ITFG1: variants seen among roughly 807,000 people sequenced by gnomAD.
ITFG1 encodes integrin alpha FG-GAP repeat containing 1.
A neutral mutation model predicts 81.8 loss-of-function variants in ITFG1; 34 were observed. The observed-to-expected ratio is 0.42, with a 90% CI of 0.32 to 0.55. ITFG1 has a LOEUF of 0.55. ITFG1 is among the 20% of genes least tolerant of loss of function. The pLI, the probability that ITFG1 is intolerant of heterozygous loss-of-function variation, is 0.17. For synonymous variants in ITFG1, 285 were observed against 270.6 expected (o/e 1.05, Z -0.52); for missense variants, 672 against 755.4 (o/e 0.89, Z 1.29).
At chr16:47,359,624 C>T (rs1596928129) in intron 8 of ITFG1, among the ~76,000 whole-genome samples, 3 of 152,334 alleles carry the variant, frequency 2.0e-5, no homozygotes, top group Admixed American at 2.0e-4. Flanking sequence ...AAAATCCAAA[C>T]TCCTTGTTAC....
chr16:47,411,087 A>G (rs1326581653), intron 6 of ITFG1, among the ~76,000 whole-genome samples: 1 of 152,180 alleles, frequency 6.6e-6, no homozygotes, highest in African/African-American at 2.4e-5. Flanking sequence ...GGGACAGTGG[A>G]CAAAGCTGCA....
intron 5 of ITFG1, among the ~76,000 whole-genome samples, chr16:47,432,483 A>T (rs903866682): frequency 2.0e-5 from 3 of 152,238 alleles, no homozygotes; most frequent in Non-Finnish European, 2.9e-5. Context: ...TGTGTTCTAC[A>T]AACAGCAACC....
intron 13 of ITFG1, among the ~76,000 whole-genome samples, chr16:47,226,240 C>T (rs1322515949): frequency 3.3e-5 from 5 of 152,312 alleles, no homozygotes; most frequent in African/African-American, 7.2e-5. Flanking sequence ...ACCCGAGTCT[C>T]GTTTTGTCAC....
chr16:47,165,049 TTTG>T (rs1303597834), intron 14 of ITFG1, among the ~76,000 whole-genome samples: 4 of 152,334 alleles, frequency 2.6e-5, no homozygotes, highest in East Asian at 3.9e-4. Flanking sequence ...GGCCAGTATT[TTTG>T]TTGTTGTTCT....
chr16:47,283,918 A>C (rs1966860768), intron 10 of ITFG1, among the ~76,000 whole-genome samples: 2 of 152,246 alleles, frequency 1.3e-5, no homozygotes, highest in Non-Finnish European at 2.9e-5. Context: ...GGCAATAAAA[A>C]GACATGCAGA....
rs118121663 is a variant in ITFG1, at chr16:47,459,446, G to A, written c.209-271C>T. Among the ~76,000 whole-genome samples the A allele has an allele frequency of 1.1e-4, 17 of 152,290 alleles. No individual in the cohort carries two copies. In the East Asian group the frequency reaches 3.1e-3, roughly 28 times the overall value. On this transcript the variant is annotated intron_variant, in intron 1 of 17. Coordinates refer to ENST00000320640, the MANE Select transcript of ITFG1 (RefSeq NM_030790.5). The stretch of plus-strand genomic sequence containing the variant: ...AAACTGAAGCCAGTGGATTCTGCGA[G>A]GAGTCAGATTGGTTGACTTAAAAGA...
At chr16:47,285,582 T>C (rs1966866705) in intron 10 of ITFG1, among the ~76,000 whole-genome samples, 1 of 152,138 alleles carries the variant, frequency 6.6e-6, no homozygotes, top group Non-Finnish European at 1.5e-5. Flanking sequence ...CTTAACCTGT[T>C]GGATCTGACA....
chr16:47,282,672 T>A lies in ITFG1; in HGVS notation c.1071-21977A>T, dbSNP rs1391885884. 2.0e-5 allele frequency among the ~76,000 whole-genome samples: 3 copies of A among 152,184 alleles called. No homozygotes were observed. The East Asian group carries it at 5.8e-4, about 29-fold the overall frequency. On this transcript the variant is annotated intron_variant, in intron 10 of 17. Transcript: ENST00000320640. ...TTAGTTCTTTGAGGAATCTCCATAC[T>A]GTTTTCCACAGAGGTTGTATTAATT... is the stretch of plus-strand genomic sequence containing the variant.
intron 14 of ITFG1, among the ~76,000 whole-genome samples, chr16:47,183,289 A>C (rs1328764406): frequency 6.6e-6 from 1 of 152,226 alleles, no homozygotes; most frequent in African/African-American, 2.4e-5. Context: ...CAGCTCCAGG[A>C]GGCCTGCCTG....
intron 8 of ITFG1, among the ~76,000 whole-genome samples, chr16:47,350,246 AC>A (rs1967930841): frequency 1.3e-5 from 2 of 152,218 alleles, no homozygotes; most frequent in Non-Finnish European, 2.9e-5. Flanking sequence ...AGACAAAAAA[AC>A]CCTTCAAAAC....
intron 10 of ITFG1, among the ~76,000 whole-genome samples, chr16:47,280,594 C>T (rs532138992): frequency 3.3e-5 from 5 of 152,240 alleles, no homozygotes; most frequent in South Asian, 4.2e-4. Flanking sequence ...TTTTGTTACT[C>T]ATAACAGGCC....
intron 14 of ITFG1, among the ~76,000 whole-genome samples, chr16:47,199,848 G>A (rs938725974): frequency 1.3e-5 from 2 of 152,170 alleles, no homozygotes; most frequent in African/African-American, 4.8e-5. Flanking sequence ...TCCCATCTGG[G>A]GGAGACAGTG....
chr16:47,277,155 A>G (rs1966406148), intron 10 of ITFG1, among the ~76,000 whole-genome samples: 1 of 152,260 alleles, frequency 6.6e-6, no homozygotes, highest in African/African-American at 2.4e-5. Flanking sequence ...AATTACATGT[A>G]AAAATGTACT....
At chr16:47,184,483 TAAAGA>T (rs1965182511) in intron 14 of ITFG1, among the ~76,000 whole-genome samples, 1 of 152,036 alleles carries the variant, frequency 6.6e-6, no homozygotes, top group South Asian at 2.1e-4. Flanking sequence ...TCAACATTCT[TAAAGA>T]AAAGAATTTT....
At chr16:47,285,537 A>AGT (rs1191231504) in intron 10 of ITFG1, among the ~76,000 whole-genome samples, 13 of 152,172 alleles carry the variant, frequency 8.5e-5, no homozygotes, top group Admixed American at 8.5e-4. Context: ...GCTTGCAACT[A>AGT]GTGTGTATGT....
At chr16:47,236,742 G>T (rs1396389033) in intron 13 of ITFG1, among the ~76,000 whole-genome samples, 1 of 152,146 alleles carries the variant, frequency 6.6e-6, no homozygotes, top group African/African-American at 2.4e-5. Context: ...CCCATCCACA[G>T]TTTTACAGTG....
intron 14 of ITFG1, among the ~76,000 whole-genome samples, chr16:47,169,914 A>T (rs780456856): frequency 6.6e-6 from 1 of 151,950 alleles, no homozygotes; most frequent in African/African-American, 2.4e-5. Context: ...GTTTTGTCAA[A>T]TTTTTTTTAG....
At chr16:47,295,444 T>A (rs1326098801) in intron 10 of ITFG1, among the ~76,000 whole-genome samples, 1 of 152,164 alleles carries the variant, frequency 6.6e-6, no homozygotes, top group African/African-American at 2.4e-5. Context: ...GTCATGCAGC[T>A]CTTTTGTTGT....
chr16:47,293,325 G>C (rs1966936525), intron 10 of ITFG1, among the ~76,000 whole-genome samples: 1 of 151,522 alleles, frequency 6.6e-6, no homozygotes, highest in Non-Finnish European at 1.5e-5. Context: ...TACAAGTGCT[G>C]GTATCGTTTT....
Sources: allele counts gnomAD v4.1 joint callset (sites outside exome capture counted in the v4.1 genomes callset), GRCh38; gene constraint gnomAD v4.1.1; transcripts MANE v1.5; gene names NCBI Gene and HGNC (gene_info 2026-07-23, HGNC 2026-07-21).